The following LARGE1 variants were observed in gnomAD, a reference collection of about 807,000 sequenced individuals.
LARGE1 encodes LARGE xylosyl- and glucuronyltransferase 1.
A neutral mutation model predicts 87.6 loss-of-function variants in LARGE1; 43 were observed. The observed-to-expected ratio is 0.49, with a 90% CI of 0.38 to 0.63. The LOEUF (loss-of-function observed/expected upper bound fraction) is 0.63, where lower values mean the gene tolerates loss of function less well. Ranked by LOEUF, LARGE1 falls within the 30% of genes least tolerant of loss-of-function variation. The pLI, the probability that LARGE1 is intolerant of heterozygous loss-of-function variation, is 0.00. For missense variants in LARGE1, 802 were observed against 1,000.2 expected, an observed-to-expected ratio of 0.80 and a Z score of 2.67; for synonymous variants, 434 against 394.6, an observed-to-expected ratio of 1.10 and a Z score of -1.18.
At chr22:33,522,391 T>C (rs2071648847) in intron 6 of LARGE1, among the ~76,000 whole-genome samples, 1 of 152,204 alleles carries the variant, frequency 6.6e-6, no homozygotes. Context: ...TTACAGATTT[T>C]CAGTAATCTG....
intron 6 of LARGE1, among the ~76,000 whole-genome samples, chr22:33,559,891 CT>C (rs1287487749): frequency 6.6e-6 from 1 of 152,112 alleles, no homozygotes; most frequent in Non-Finnish European, 1.5e-5. Flanking sequence ...GCTTCCCTGC[CT>C]TTGTTCTCTG....
At chr22:33,184,508 A>G (rs926535819) in intron 11 of LARGE1, among the ~76,000 whole-genome samples, 1 of 151,854 alleles carries the variant, frequency 6.6e-6, no homozygotes, top group Non-Finnish European at 1.5e-5. Context: ...AAAATAAGTT[A>G]TCAAAATCTT....
chr22:33,916,333 C>T (rs2065786633), intron 1 of LARGE1, among the ~76,000 whole-genome samples: 1 of 152,098 alleles, frequency 6.6e-6, no homozygotes, highest in African/African-American at 2.4e-5. Flanking sequence ...GTCTGCCTCC[C>T]ATAAAAGACT....
intron 2 of LARGE1, among the ~76,000 whole-genome samples, chr22:33,711,058 C>T (rs1271785270): frequency 6.6e-6 from 1 of 152,086 alleles, no homozygotes; most frequent in Non-Finnish European, 1.5e-5. Flanking sequence ...AGATCCCAAG[C>T]AAGCAAGAGA....
In LARGE1 at chr22:33,638,609, G is replaced by T. The variant is rs533257727; in HGVS notation, c.408+11758C>A. On this transcript the variant is annotated intron_variant, in intron 3 of 14. Coordinates refer to ENST00000397394, the MANE Select transcript of LARGE1 (RefSeq NM_133642.5). ...TTCAGTGCAATGGTTCAAAGAACAG[G>T]TTCTAGAATCAAACTGCCTAGGTTT... 3.8e-4 allele frequency among the ~76,000 whole-genome samples: 58 copies of T among 152,336 alleles called. No individual in the cohort carries two copies. In the South Asian group the frequency reaches 0.011, roughly 29 times the overall value.
intron 10 of LARGE1, among the ~76,000 whole-genome samples, chr22:33,337,058 C>CAAAA (rs557329106): frequency 1.5e-5 from 1 of 67,626 alleles, no homozygotes; most frequent in Non-Finnish European, 3.5e-5. Flanking sequence ...GAAACTCTGT[C>CAAAA]AAAAAAAAAA....
chr22:33,827,085 G>C (rs561820379), intron 1 of LARGE1, among the ~76,000 whole-genome samples: 1 of 152,030 alleles, frequency 6.6e-6, no homozygotes, highest in African/African-American at 2.4e-5. Flanking sequence ...TCACTGGACC[G>C]GGCACGGTGG....
At chr22:33,410,226 G>A (rs961334895) in intron 7 of LARGE1, among the ~76,000 whole-genome samples, 3 of 152,152 alleles carry the variant, frequency 2.0e-5, no homozygotes, top group East Asian at 1.9e-4. Context: ...TGTAAATTTA[G>A]TAGACAGCAC....
At chr22:33,212,551 A>C (rs1490645599) in intron 11 of LARGE1, among the ~76,000 whole-genome samples, 1 of 152,250 alleles carries the variant, frequency 6.6e-6, no homozygotes, top group African/African-American at 2.4e-5. Context: ...CTTTTAACAC[A>C]ACATCCATTC....
At chr22:33,623,457 G>A (rs1025125605) in intron 4 of LARGE1, among the ~76,000 whole-genome samples, 5 of 151,986 alleles carry the variant, frequency 3.3e-5, no homozygotes, top group African/African-American at 1.2e-4. Context: ...GCGCTATGAG[G>A]AAGAACTGAC....
intron 6 of LARGE1, among the ~76,000 whole-genome samples, chr22:33,533,265 C>T (rs1305060375): frequency 6.6e-6 from 1 of 152,166 alleles, no homozygotes; most frequent in Non-Finnish European, 1.5e-5. Context: ...TTAAGCTATT[C>T]TAATAGCTGC....
intron 11 of LARGE1, among the ~76,000 whole-genome samples, chr22:33,190,146 A>AT (rs397948176): frequency 0.034 from 5,040 of 147,306 alleles, 107 homozygotes; most frequent in South Asian, 0.062. Flanking sequence ...TAAACAAAAC[A>AT]TTTTTTTTTT....
chr22:33,399,117 T>TA (rs757730042), intron 7 of LARGE1, among the ~76,000 whole-genome samples: 5 of 152,328 alleles, frequency 3.3e-5, no homozygotes, highest in Middle Eastern at 3.4e-3. Context: ...GTATTTGTCC[T>TA]AATTCTCTCC....
At chr22:33,534,594 A>G (rs916809983) in intron 6 of LARGE1, among the ~76,000 whole-genome samples, 1 of 152,184 alleles carries the variant, frequency 6.6e-6, no homozygotes, top group Admixed American at 6.5e-5. Context: ...GCAAGTGTCA[A>G]CTGCAATCCT....
intron 1 of LARGE1, among the ~76,000 whole-genome samples, chr22:33,846,741 C>T (rs1423406243): frequency 1.3e-5 from 2 of 152,152 alleles, no homozygotes; most frequent in Admixed American, 6.5e-5. Context: ...ATGGTCAAGG[C>T]TGTAGGGGTG....
At chr22:33,850,835 C>A (rs754909918) in intron 1 of LARGE1, among the ~76,000 whole-genome samples, 37 of 152,070 alleles carry the variant, frequency 2.4e-4, no homozygotes, top group Non-Finnish European at 2.9e-4. Flanking sequence ...CTAATTCTAT[C>A]CCTGCCTCTC....
At chr22:33,306,880 A>T (rs1470962145) in intron 11 of LARGE1, among the ~76,000 whole-genome samples, 1 of 149,084 alleles carries the variant, frequency 6.7e-6, no homozygotes, top group Non-Finnish European at 1.5e-5. Context: ...AAAAAAAAAG[A>T]ATAGAGAAAA....
chr22:33,624,170 T>A (rs2079848839), intron 4 of LARGE1, among the ~76,000 whole-genome samples: 1 of 152,216 alleles, frequency 6.6e-6, no homozygotes, highest in Non-Finnish European at 1.5e-5. Flanking sequence ...ATCTTCACGT[T>A]CTTTATTAAT....
intron 1 of LARGE1, among the ~76,000 whole-genome samples, chr22:33,915,515 G>A (rs2065761117): frequency 1.3e-5 from 2 of 152,046 alleles, no homozygotes; most frequent in South Asian, 4.1e-4. Context: ...AGTGCCAGGT[G>A]TAATTCATGT....
Sources: gnomAD v4.1 joint callset for allele counts (sites outside exome capture counted in the v4.1 genomes callset) on GRCh38, gnomAD v4.1.1 for gene constraint, MANE v1.5 for transcripts, NCBI Gene and HGNC (gene_info 2026-07-23, HGNC 2026-07-21) for gene names.